The following SBF2 variants were observed in gnomAD, a reference collection of about 807,000 sequenced individuals.
SBF2 encodes the protein SET binding factor 2, also known as myotubularin-related protein 13.
A neutral mutation model predicts 225.2 loss-of-function variants in SBF2; 112 were observed. The observed-to-expected ratio is 0.50, with a 90% CI of 0.43 to 0.58. SBF2 has a LOEUF of 0.58. Ranked by LOEUF, SBF2 falls within the 20% of genes least tolerant of loss-of-function variation. SBF2 has a pLI of 0.00. For synonymous variants in SBF2, 763 were observed against 773.3 expected, an observed-to-expected ratio of 0.99 and a Z score of 0.22; for missense variants, 1,996 against 2,206.2, an observed-to-expected ratio of 0.90 and a Z score of 1.91.
intron 2 of SBF2, among the ~76,000 whole-genome samples, chr11:10,076,337 G>T (rs953508815): frequency 6.6e-5 from 10 of 152,180 alleles, no homozygotes; most frequent in African/African-American, 2.4e-4. Context: ...AACTAAGGGG[G>T]CTGCACGAAA....
chr11:10,292,959 A>T (rs1964264344), intron 1 of SBF2, among the ~76,000 whole-genome samples: 1 of 152,214 alleles, frequency 6.6e-6, no homozygotes, highest in Admixed American at 6.5e-5. Flanking sequence ...GGAGAGGAAT[A>T]ATGAAAGAGA....
At chr11:10,193,039 T>TAAC (rs1363439962) in intron 2 of SBF2, among the ~76,000 whole-genome samples, 1 of 152,122 alleles carries the variant, frequency 6.6e-6, no homozygotes, top group East Asian at 1.9e-4. Flanking sequence ...TTAAAACGGG[T>TAAC]AACAACAACA....
chr11:10,281,708 T>C (rs1194180483), intron 1 of SBF2, among the ~76,000 whole-genome samples: 1 of 152,124 alleles, frequency 6.6e-6, no homozygotes, highest in Non-Finnish European at 1.5e-5. Context: ...CTCTATATAC[T>C]CTAATGACTC....
intron 6 of SBF2, among the ~76,000 whole-genome samples, chr11:10,008,220 C>T (rs920807673): frequency 6.6e-6 from 1 of 152,144 alleles, no homozygotes; most frequent in Non-Finnish European, 1.5e-5. Flanking sequence ...AACTATAATA[C>T]AATGGCCTTA....
chr11:10,021,011 A>C (rs1948836054), intron 6 of SBF2, among the ~76,000 whole-genome samples: 1 of 152,164 alleles, frequency 6.6e-6, no homozygotes, highest in Non-Finnish European at 1.5e-5. Context: ...ACCATGGACA[A>C]GTAAAAAGAA....
intron 1 of SBF2, 39 bp downstream of exon 1, chr11:10,293,976 G>A: frequency 7.7e-7 from 1 of 1,299,142 alleles, no homozygotes; most frequent in Non-Finnish European, 9.8e-7. Flanking sequence ...CGGCCGGGGG[G>A]CGGGGAGGCC....
rs150801761 is a variant in SBF2 at position 10,144,581 on chromosome 11, C to T, written c.141+49321G>A. Among the ~76,000 whole-genome samples the T allele has an allele frequency of 3.8e-4, 58 of 152,294 alleles. 1 individual carries two copies. Among genetic ancestry groups the T allele is most frequent in the African/African-American group, 1.1e-3 (45 of 41,556 alleles). ...AATAAATATTTTCACTTTACAAGAACTATGCTTCTGGCAGAATGTACATGT... is the reference window on the plus strand; with the variant it reads ...AATAAATATTTTCACTTTACAAGAATTATGCTTCTGGCAGAATGTACATGT... On this transcript the variant is annotated intron_variant, in intron 2 of 39. Transcript: ENST00000256190.
intron 2 of SBF2, among the ~76,000 whole-genome samples, chr11:10,175,853 G>C (rs1173811295): frequency 1.3e-5 from 2 of 152,006 alleles, no homozygotes. Context: ...TCAGGATTAA[G>C]AATCTCACTC....
chr11:9,856,209 T>C (rs1386833675), intron 19 of SBF2, among the ~76,000 whole-genome samples: 1 of 152,110 alleles, frequency 6.6e-6, no homozygotes, highest in Non-Finnish European at 1.5e-5. Context: ...AAGGGCTGGA[T>C]CAGTAATGGG....
intron 2 of SBF2, among the ~76,000 whole-genome samples, chr11:10,107,194 T>G (rs1025798335): frequency 1.3e-5 from 2 of 152,214 alleles, no homozygotes; most frequent in Non-Finnish European, 2.9e-5. Context: ...AATCATGTGT[T>G]CACACAAAAA....
In SBF2 at chr11:9,912,530, C is replaced by T. The variant is rs539951608; in HGVS notation, c.1861-16519G>A. Among the ~76,000 whole-genome samples the T allele has an allele frequency of 5.6e-4, 86 of 152,226 alleles. 3 individuals are homozygous for T. In the South Asian group the frequency reaches 0.017, roughly 30 times the overall value. On this transcript the variant is annotated intron_variant, in intron 16 of 39. Coordinates refer to ENST00000256190, the MANE Select transcript of SBF2 (RefSeq NM_030962.4). ...CTGGGATGCGGAGGTTGCAGTGAGC[C>T]GAGATCACTCCACTGCACTCCAGCC...
chr11:10,284,558 T>A (rs574329534), intron 1 of SBF2, among the ~76,000 whole-genome samples: 2 of 152,278 alleles, frequency 1.3e-5, no homozygotes, highest in Admixed American at 6.5e-5. Flanking sequence ...TTTTCCAGTT[T>A]GTAAAAGAAA....
chr11:10,146,296 G>A (rs1478119770), intron 2 of SBF2, among the ~76,000 whole-genome samples: 1 of 152,126 alleles, frequency 6.6e-6, no homozygotes, highest in Non-Finnish European at 1.5e-5. Flanking sequence ...AAGGCTAGAA[G>A]CATCATGTTA....
In SBF2 at chr11:10,002,765, C is replaced by T. The variant is rs1245771854; in HGVS notation, c.620-76G>A. The T allele has an allele frequency of 2.6e-5, 36 of 1,407,736 alleles. No homozygotes were observed. The Admixed American group carries it at 3.0e-4, about 12-fold the overall frequency. The allele number at this position is 1,407,736 out of a possible 1,614,324, so 87.2% of individuals were successfully genotyped here. A position where few individuals can be genotyped will look rare whatever the true frequency, so the allele number is the denominator to read the frequency against. On this transcript the variant is annotated intron_variant, in intron 6 of 39. Coordinates refer to ENST00000256190, the MANE Select transcript of SBF2 (RefSeq NM_030962.4). ...TGTCAACAATCATAGACAGTATACACGGAAAGAAAAAGCCAGTAATTTTGG... is the reference window on the plus strand; with the variant it reads ...TGTCAACAATCATAGACAGTATACATGGAAAGAAAAAGCCAGTAATTTTGG...
At chr11:9,963,974 G>C in intron 14 of SBF2, 92 bp from the exon 15 acceptor site, 2 of 758,368 alleles carry the variant, frequency 2.6e-6, no homozygotes, top group Non-Finnish European at 4.5e-6. Context: ...CTGTAGGTTG[G>C]GCGTGGAGGC....
chr11:10,144,118 G>A (rs1280894261), intron 2 of SBF2, among the ~76,000 whole-genome samples: 2 of 152,104 alleles, frequency 1.3e-5, no homozygotes, highest in Non-Finnish European at 2.9e-5. Context: ...TTGCATTTAC[G>A]CTTTGCATAT....
At chr11:10,023,718 C>A (rs913105392) in intron 6 of SBF2, among the ~76,000 whole-genome samples, 10 of 152,148 alleles carry the variant, frequency 6.6e-5, no homozygotes, top group Non-Finnish European at 1.5e-4. Context: ...CATTTTACGG[C>A]TGAATAATTT....
chr11:9,918,894 A>G (rs947778539), intron 16 of SBF2, among the ~76,000 whole-genome samples: 3 of 151,678 alleles, frequency 2.0e-5, no homozygotes, highest in Non-Finnish European at 4.4e-5. Flanking sequence ...GCCTGCCACC[A>G]CGCCCGGCTA....
chr11:9,964,306 A>G (rs1866763632), intron 14 of SBF2, among the ~76,000 whole-genome samples: 1 of 152,158 alleles, frequency 6.6e-6, no homozygotes, highest in African/African-American at 2.4e-5. Flanking sequence ...TTCCCTTATT[A>G]CAGAGCATTG....
Sources: allele counts gnomAD v4.1 joint callset (sites outside exome capture counted in the v4.1 genomes callset), GRCh38; gene constraint gnomAD v4.1.1; transcripts MANE v1.5; gene names NCBI Gene and HGNC (gene_info 2026-07-23, HGNC 2026-07-21).